Variants in TRPM5 observed in about 807,000 individuals in gnomAD.
TRPM5 encodes the protein transient receptor potential cation channel subfamily M member 5.
TRPM5 carries 121 observed loss-of-function variants against 124.9 expected under a neutral mutation model. That is an observed-to-expected ratio of 0.97 (90% CI 0.84 to 1.13). The LOEUF is 1.13. Among genes scored for constraint, TRPM5 ranks in the 50% most tolerant of loss-of-function variants. The pLI, the probability that TRPM5 is intolerant of heterozygous loss-of-function variation, is 0.00. For synonymous variants in TRPM5, 781 were observed against 700.5 expected, an observed-to-expected ratio of 1.11 and a Z score of -1.81; for missense variants, 1,643 against 1,589.1, an observed-to-expected ratio of 1.03 and a Z score of -0.58.
chr11:2,422,888 G>A, intron 1 of TRPM5, 32 bp downstream of exon 6: 1 of 1,578,554 alleles, frequency 6.3e-7, no homozygotes, highest in Non-Finnish European at 8.7e-7. Flanking sequence ...GGTCAAGGCG[G>A]ACATCACCTG....
At chr11:2,420,168 C>T in intron 4 of TRPM5, 54 bp downstream of exon 9, 1 of 1,532,068 alleles carries the variant, frequency 6.5e-7, no homozygotes, top group African/African-American at 1.4e-5. Context: ...CAGGCGGGTC[C>T]CTGGATCCCC....
exon 15 of TRPM5, chr11:2,412,803 A>G (rs1201601360): frequency 6.2e-7 from 1 of 1,606,844 alleles, no homozygotes; most frequent in South Asian, 1.1e-5. Flanking sequence ...GTAGAGGGTG[A>G]CCTCGGGCCC....
At chr11:2,418,690 G>A in intron 4 of TRPM5, 99 bp from the exon 10 acceptor site, 1 of 1,244,040 alleles carries the variant, frequency 8.0e-7, no homozygotes, top group East Asian at 2.5e-5. Context: ...CCAAAAGCTG[G>A]CTCTTCCGAA....
intron 3 of TRPM5, 83 bp from the exon 9 acceptor site, chr11:2,420,488 G>A (rs1487723747): frequency 4.0e-5 from 57 of 1,421,392 alleles, no homozygotes; most frequent in Non-Finnish European, 4.8e-5. Context: ...CTGCCAGGCC[G>A]TGCACACCAC....
intron 18 of TRPM5, among the ~76,000 whole-genome samples, chr11:2,409,108 C>G (rs1850388818): frequency 6.6e-6 from 1 of 152,152 alleles, no homozygotes; most frequent in Non-Finnish European, 1.5e-5. Flanking sequence ...TGCCTTGTTT[C>G]TCCCGAGTGA....
At chr11:2,405,650 C>T in intron 22 of TRPM5, 57 bp from the exon 28 acceptor site, 1 of 1,526,840 alleles carries the variant, frequency 6.5e-7, no homozygotes, top group Non-Finnish European at 8.9e-7. Context: ...CAGCAGGGGA[C>T]AGGCAGCCTC....
At chr11:2,440,831 C>T in the TRPM5 span, among the ~76,000 whole-genome samples, 1 of 152,226 alleles carries the variant, frequency 6.6e-6, no homozygotes, top group Non-Finnish European at 1.5e-5. The surrounding 1 kb of genome is among the most constrained non-coding windows in gnomAD (Gnocchi z 5.2). Context: ...GGTGGCCTGG[C>T]TGTTCTAGCA....
the TRPM5 span, among the ~76,000 whole-genome samples, chr11:2,433,075 G>A: frequency 1.3e-5 from 2 of 152,214 alleles, no homozygotes; most frequent in African/African-American, 4.8e-5. Flanking sequence ...CGCCTGCAGC[G>A]TGCCACTGCT....
upstream of TRPM5, among the ~76,000 whole-genome samples, chr11:2,424,313 C>A (rs1474786180): frequency 6.6e-6 from 1 of 152,236 alleles, no homozygotes; most frequent in African/African-American, 2.4e-5. Context: ...GGAGTGTGTC[C>A]TGGGACCCCT....
At chr11:2,434,898 C>A in the TRPM5 span, among the ~76,000 whole-genome samples, 2 of 152,188 alleles carry the variant, frequency 1.3e-5, no homozygotes, top group Non-Finnish European at 1.5e-5. Flanking sequence ...CGCCACTCAT[C>A]CATGAACTCA....
the TRPM5 span, among the ~76,000 whole-genome samples, chr11:2,439,202 G>A: frequency 2.0e-5 from 3 of 152,138 alleles, no homozygotes; most frequent in Admixed American, 6.5e-5. Context: ...ATTTAAATGC[G>A]AGACCTCAAA....
intron 22 of TRPM5, among the ~76,000 whole-genome samples, 186 bp downstream of exon 27, chr11:2,405,833 G>A (rs940700943): frequency 6.6e-6 from 1 of 152,302 alleles, no homozygotes; most frequent in African/African-American, 2.4e-5. Flanking sequence ...GTGGCAGGGT[G>A]GGAGGAGGCA....
chr11:2,412,034 T>C, intron 16 of TRPM5, 101 bp downstream of exon 21: 2 of 1,098,186 alleles, frequency 1.8e-6, no homozygotes, highest in Non-Finnish European at 2.7e-6. Flanking sequence ...CCTGAGTAGC[T>C]GGGACCACAA....
the TRPM5 span, among the ~76,000 whole-genome samples, chr11:2,430,745 G>GGTGGTGGTGGTT: frequency 5.9e-5 from 8 of 134,950 alleles, no homozygotes; most frequent in East Asian, 2.0e-4. Flanking sequence ...TGGTGATGGT[G>GGTGGTGGTGGTT]TTGGTGGTGG....
chr11:2,414,009 G>GGGGGCGCCC, intron 12 of TRPM5, 52 bp downstream of exon 17: 1 of 1,023,734 alleles, frequency 9.8e-7, no homozygotes, highest in Non-Finnish European at 1.4e-6. Context: ...GGCCCAGCTC[G>GGGGGCGCCC]CCCGCCCACC....
At chr11:2,422,948 A>G (rs1181669082) in exon 1 of TRPM5, 3 of 1,613,068 alleles carry the variant, frequency 1.9e-6, no homozygotes, top group African/African-American at 1.3e-5. Context: ...AGACCCTCCA[A>G]AGTTGACCTC....
Position 2,411,620 on chromosome 11 carries a change from C to T in TRPM5, c.2607+15G>A, listed in dbSNP as rs200625842. 9.3e-5 allele frequency: 150 copies of T among 1,611,518 alleles called. No homozygotes were observed. In the East Asian group the frequency reaches 3.0e-3, roughly 32 times the overall value. ...TGTCCCTCCAGGGCCAGGGCCAGGG[C>T]CCCCGGGGGCTCACCATGCGCTCTA... On this transcript the variant is annotated intron_variant, in intron 17 of 23. Coordinates refer to ENST00000155858, the Ensembl canonical transcript of TRPM5.
intron 15 of TRPM5, 36 bp from the exon 21 acceptor site, chr11:2,412,289 C>T (rs199950671): frequency 4.6e-6 from 7 of 1,530,808 alleles, no homozygotes; most frequent in South Asian, 4.5e-5. Context: ...GACAGCTGTC[C>T]AGCCGCCCTC....
rs749440832 is a variant in TRPM5, at chr11:2,406,652, C to A, written c.3251+9G>T. 3.1e-6 allele frequency: 5 copies of A among 1,601,438 alleles called. No individual in the cohort carries two copies. The highest frequency in any genetic ancestry group is 4.3e-6 in the Non-Finnish European group (5 of 1,173,720). On this transcript the variant is annotated intron_variant, in intron 21 of 23. Transcript: ENST00000155858. ...GATACCCACCAGTGATCAGGACAGGCCCCCGCACCTGTGGGCGGTTTTCCG... is the reference window on the plus strand; with the variant it reads ...GATACCCACCAGTGATCAGGACAGGACCCCGCACCTGTGGGCGGTTTTCCG...
Sources: allele counts gnomAD v4.1 joint callset (sites outside exome capture counted in the v4.1 genomes callset), GRCh38; gene constraint gnomAD v4.1.1; non-coding constraint Gnocchi (gnomAD v3.1); transcripts MANE v1.5; gene names NCBI Gene and HGNC (gene_info 2026-07-23, HGNC 2026-07-21).